Variants in ANKS1B observed in about 807,000 individuals in gnomAD.
ANKS1B encodes ankyrin repeat and sterile alpha motif domain containing 1B, also known as ankyrin repeat and sterile alpha motif domain-containing protein 1B.
A neutral mutation model predicts 148.3 loss-of-function variants in ANKS1B; 36 were observed. The ratio of observed to expected loss-of-function variants is 0.24; its 90% CI spans 0.19 to 0.32. The LOEUF (loss-of-function observed/expected upper bound fraction) is 0.32, where lower values mean the gene tolerates loss of function less well. Ranked by LOEUF, ANKS1B falls within the 10% of genes least tolerant of loss-of-function variation. ANKS1B has a pLI of 1.00. For synonymous variants in ANKS1B, 542 were observed against 560.8 expected (o/e 0.97, Z 0.47); for missense variants, 1,157 against 1,542.6 (o/e 0.75, Z 4.19).
At chr12:99,030,175 T>A (rs2099951138) in intron 17 of ANKS1B, among the ~76,000 whole-genome samples, 1 of 152,208 alleles carries the variant, frequency 6.6e-6, no homozygotes, top group African/African-American at 2.4e-5. Context: ...CACCACCACA[T>A]CAACTGCATG....
At chr12:99,464,097 C>T (rs1400056545) in intron 10 of ANKS1B, among the ~76,000 whole-genome samples, 1 of 152,134 alleles carries the variant, frequency 6.6e-6, no homozygotes. Context: ...GACAAAACTT[C>T]CAGAGGAACG....
rs577404149 is a variant in ANKS1B at position 99,609,850 on chromosome 12, G to A, written c.1272+45217C>T. Among the ~76,000 whole-genome samples the A allele has an allele frequency of 3.3e-5, 5 of 152,202 alleles. No individual in the cohort carries two copies. The South Asian group carries it at 1.0e-3, about 32-fold the overall frequency. On this transcript the variant is annotated intron_variant, in intron 9 of 26. Coordinates refer to ENST00000683438, the MANE Select transcript of ANKS1B (RefSeq NM_001352186.2). ...CTCCTGCTAACCTGAATTTGGAAAG[G>A]AACAAATACAGATAAAATTTTACCA...
intron 1 of ANKS1B, among the ~76,000 whole-genome samples, chr12:99,940,984 T>C (rs2094905009): frequency 6.6e-6 from 1 of 152,142 alleles, no homozygotes; most frequent in Non-Finnish European, 1.5e-5. Flanking sequence ...ATTATGTACG[T>C]AATTATTGAA....
At chr12:99,532,160 G>C (rs1234137553) in intron 9 of ANKS1B, among the ~76,000 whole-genome samples, 1 of 152,022 alleles carries the variant, frequency 6.6e-6, no homozygotes, top group Admixed American at 6.5e-5. Context: ...TGTTTACTTT[G>C]TGGATTATTT....
rs575539099 is a variant in ANKS1B at position 99,091,413 on chromosome 12, C to A, written c.2527-6390G>T. ...GATATCATAAATTATAAATGTAATT[C>A]ACTTGAGATGTGTTCATGTAGGTTT... On this transcript the variant is annotated intron_variant, in intron 15 of 26. Coordinates refer to ENST00000683438, the MANE Select transcript of ANKS1B (RefSeq NM_001352186.2). Among the ~76,000 whole-genome samples the A allele has an allele frequency of 1.4e-4, 21 of 152,208 alleles. No homozygotes were observed. The East Asian group carries it at 2.5e-3, about 18-fold the overall frequency.
chr12:99,748,897 A>G (rs1009414466), intron 8 of ANKS1B, among the ~76,000 whole-genome samples: 2 of 152,138 alleles, frequency 1.3e-5, no homozygotes, highest in African/African-American at 4.8e-5. Flanking sequence ...TACATTACTT[A>G]AATATTCTGT....
At chr12:98,867,671 TTC>T (rs572392326) in intron 17 of ANKS1B, among the ~76,000 whole-genome samples, 3,339 of 151,980 alleles carry the variant, frequency 0.022, 126 homozygotes, top group African/African-American at 0.075. Flanking sequence ...CCATCCTGGC[TTC>T]ATCCTGGTGA....
intron 9 of ANKS1B, among the ~76,000 whole-genome samples, chr12:99,544,834 C>T (rs954951529): frequency 6.6e-6 from 1 of 152,170 alleles, no homozygotes; most frequent in Non-Finnish European, 1.5e-5. Flanking sequence ...TAAAGTCTTA[C>T]ATAGTTTTCA....
intron 8 of ANKS1B, among the ~76,000 whole-genome samples, chr12:99,670,440 C>T (rs956189809): frequency 2.6e-5 from 4 of 152,066 alleles, no homozygotes; most frequent in Non-Finnish European, 5.9e-5. Flanking sequence ...TGCATAATTT[C>T]ATTGCTACTT....
intron 16 of ANKS1B, among the ~76,000 whole-genome samples, chr12:99,057,919 G>T (rs1445644290): frequency 6.6e-6 from 1 of 152,166 alleles, no homozygotes; most frequent in African/African-American, 2.4e-5. Flanking sequence ...GCTCGATGGG[G>T]CTCAGGAAAG....
At chr12:99,961,722 T>C (rs1268663574) in intron 1 of ANKS1B, among the ~76,000 whole-genome samples, 8 of 152,188 alleles carry the variant, frequency 5.3e-5, no homozygotes, top group South Asian at 2.1e-4. Context: ...ATAGATTAGA[T>C]TGTGGAGAAA....
intron 1 of ANKS1B, among the ~76,000 whole-genome samples, chr12:99,899,171 T>C (rs2093496387): frequency 1.3e-5 from 2 of 152,196 alleles, no homozygotes; most frequent in Admixed American, 1.3e-4. Flanking sequence ...AGTACTATAT[T>C]TATCTTAATT....
chr12:99,461,064 A>G (rs943207159), intron 10 of ANKS1B, among the ~76,000 whole-genome samples: 2 of 141,110 alleles, frequency 1.4e-5, no homozygotes, highest in African/African-American at 6.5e-5. Context: ...ATATATATAT[A>G]TACACATACA....
chr12:98,823,492 A>G (rs968562938), intron 19 of ANKS1B, among the ~76,000 whole-genome samples: 1 of 152,190 alleles, frequency 6.6e-6, no homozygotes, highest in Admixed American at 6.5e-5. Flanking sequence ...GGGGAAAAAA[A>G]CACTCTCTTT....
At chr12:99,281,092 G>T (rs2154000096) in intron 12 of ANKS1B, among the ~76,000 whole-genome samples, 1 of 152,124 alleles carries the variant, frequency 6.6e-6, no homozygotes, top group Non-Finnish European at 1.5e-5. Flanking sequence ...ATGAACCTAG[G>T]GAAAGGTGGG....
At chr12:99,170,777 C>T (rs986643990) in intron 14 of ANKS1B, among the ~76,000 whole-genome samples, 1 of 152,076 alleles carries the variant, frequency 6.6e-6, no homozygotes, top group East Asian at 1.9e-4. Context: ...ATCTAATATG[C>T]ACCAATAGCC....
intron 9 of ANKS1B, among the ~76,000 whole-genome samples, chr12:99,564,518 T>G (rs959063617): frequency 6.6e-6 from 1 of 152,036 alleles, no homozygotes; most frequent in African/African-American, 2.4e-5. Flanking sequence ...TGTTAATAAC[T>G]ATGTATGATA....
chr12:99,015,076 T>C (rs902558211), intron 17 of ANKS1B, among the ~76,000 whole-genome samples: 4 of 152,198 alleles, frequency 2.6e-5, no homozygotes, highest in African/African-American at 7.2e-5. Flanking sequence ...GTTGCATGTG[T>C]ATGTTCATTG....
chr12:99,166,563 C>G (rs1171817052), intron 14 of ANKS1B, among the ~76,000 whole-genome samples: 1 of 151,884 alleles, frequency 6.6e-6, no homozygotes, highest in Non-Finnish European at 1.5e-5. Context: ...ATAAAACTGT[C>G]AAAAGATGTG....
Sources: allele counts gnomAD v4.1 joint callset (sites outside exome capture counted in the v4.1 genomes callset), GRCh38; gene constraint gnomAD v4.1.1; transcripts MANE v1.5; gene names NCBI Gene and HGNC (gene_info 2026-07-23, HGNC 2026-07-21).